The following GLI2 variants were observed in gnomAD, a reference collection of about 807,000 sequenced individuals.
The protein encoded by GLI2 is GLI family zinc finger 2.
In GLI2, 22 loss-of-function variants were observed where a neutral mutation model predicts 78.9. The ratio of observed to expected loss-of-function variants is 0.28; its 90% CI spans 0.20 to 0.40. The LOEUF is 0.40. GLI2 is among the 10% of genes least tolerant of loss of function. The pLI is 1.00. For missense variants in GLI2, 2,097 were observed against 2,213.2 expected, an observed-to-expected ratio of 0.95 and a Z score of 1.05; for synonymous variants, 974 against 963.7, an observed-to-expected ratio of 1.01 and a Z score of -0.20.
intron 1 of GLI2, among the ~76,000 whole-genome samples, chr2:120,756,377 T>C (rs1213070512): frequency 6.6e-6 from 1 of 152,210 alleles, no homozygotes; most frequent in Non-Finnish European, 1.5e-5. Flanking sequence ...AAGAATATAA[T>C]TGGTTTATTT....
intron 1 of GLI2, among the ~76,000 whole-genome samples, chr2:120,783,120 G>T (rs1683894858): frequency 6.6e-6 from 1 of 152,078 alleles, no homozygotes; most frequent in African/African-American, 2.4e-5. Context: ...CCCAAATTTG[G>T]GGCACACAGC....
intron 4 of GLI2, among the ~76,000 whole-genome samples, chr2:120,954,381 G>A (rs1189605308): frequency 6.6e-6 from 1 of 152,184 alleles, no homozygotes; most frequent in African/African-American, 2.4e-5. Context: ...TGGAGGCCCG[G>A]ACTCTTGGGA....
At chr2:120,979,336 G>C (rs1468961598) in intron 10 of GLI2, among the ~76,000 whole-genome samples, 2 of 152,126 alleles carry the variant, frequency 1.3e-5, no homozygotes, top group East Asian at 3.9e-4. Context: ...AGGTCAACAG[G>C]ATTTATGACT....
chr2:120,951,521 A>C (rs112402407), intron 4 of GLI2, 76 bp downstream of exon 4: 10 of 859,514 alleles, frequency 1.2e-5, no homozygotes, highest in African/African-American at 3.3e-5. Context: ...TCACGCTAAC[A>C]CTGTCAACTC....
intron 2 of GLI2, among the ~76,000 whole-genome samples, chr2:120,907,766 A>AAC (rs754833910): frequency 1.2e-3 from 185 of 151,816 alleles, no homozygotes; most frequent in Non-Finnish European, 1.5e-3. Context: ...TAACCCCCCC[A>AAC]ACACACACAC....
At chr2:120,812,635 C>T (rs2077243) in intron 2 of GLI2, among the ~76,000 whole-genome samples, 2 of 151,734 alleles carry the variant, frequency 1.3e-5, no homozygotes, top group African/African-American at 4.8e-5. Flanking sequence ...CACACCCTGG[C>T]GTGTCATGGT....
intron 2 of GLI2, among the ~76,000 whole-genome samples, chr2:120,845,090 TG>T (rs1368354029): frequency 6.6e-6 from 1 of 152,084 alleles, no homozygotes; most frequent in Non-Finnish European, 1.5e-5. Context: ...CTGGCCAGCA[TG>T]GTAAAACCTC....
At chr2:120,899,030 G>C (rs777741495) in intron 2 of GLI2, among the ~76,000 whole-genome samples, 4 of 152,140 alleles carry the variant, frequency 2.6e-5, no homozygotes, top group African/African-American at 9.7e-5. Flanking sequence ...TACTCCCTCC[G>C]GGAGGGCCTG....
Position 120,990,032 on chromosome 2 carries a change from C to G in GLI2, c.4067C>G (p.Pro1356Arg). ...TAGFGLVQPR[P>R]PLEPSPTGRH... ...GGCTTTGGCCTAGTGCAGCCCCGGCCTCCCCTCGAGCCCAGCCCCACTGGC... is the reference window on the plus strand; with the variant it reads ...GGCTTTGGCCTAGTGCAGCCCCGGCGTCCCCTCGAGCCCAGCCCCACTGGC... The change falls in exon 14 of 14, where the codon CCT (proline) becomes CGT (arginine). Residue 1356 changes from proline (P) to arginine (R), a missense_variant. Coordinates refer to ENST00000361492, the MANE Select transcript of GLI2 (RefSeq NM_001374353.1). The G allele has an allele frequency of 1.9e-6, 3 of 1,605,934 alleles. No individual in the cohort carries two copies. Among genetic ancestry groups the G allele is most frequent in the Non-Finnish European group, 2.6e-6 (3 of 1,175,906 alleles).
chr2:120,743,544 G>T (rs1378688890), intron 1 of GLI2, among the ~76,000 whole-genome samples: 3 of 152,202 alleles, frequency 2.0e-5, no homozygotes, highest in Non-Finnish European at 4.4e-5. Context: ...GGACTACCCA[G>T]ATAACTGTTA....
At chr2:120,975,280 G>A (rs1044720459) in intron 9 of GLI2, among the ~76,000 whole-genome samples, 171 bp downstream of exon 9, 16 of 152,214 alleles carry the variant, frequency 1.1e-4, no homozygotes, top group Admixed American at 4.6e-4. Flanking sequence ...TGTGTGTCCT[G>A]CCTGTTTTTA....
At position 120,874,562 on chromosome 2, in the gene GLI2, G is replaced by A. The variant is rs188134262; in HGVS notation, c.149-52799G>A. ...TTGCTCCTGTCTGTGTAGACAGGCC[G>A]GCGTTGAATGTCTACGGGTGGCATC... On this transcript the variant is annotated intron_variant, in intron 2 of 13. Transcript: ENST00000361492. Among the ~76,000 whole-genome samples the A allele has an allele frequency of 8.1e-4, 124 of 152,312 alleles. 2 individuals are homozygous for A. The highest frequency in any genetic ancestry group is 3.0e-3 in the African/African-American group (123 of 41,564).
intron 1 of GLI2, among the ~76,000 whole-genome samples, chr2:120,765,266 T>C (rs1683332937): frequency 6.6e-6 from 1 of 152,210 alleles, no homozygotes; most frequent in African/African-American, 2.4e-5. Context: ...TAGCTGCCAC[T>C]GGGAGAGGGC....
At chr2:120,973,373 G>A (rs555850445) in intron 8 of GLI2, among the ~76,000 whole-genome samples, 6 of 152,322 alleles carry the variant, frequency 3.9e-5, no homozygotes, top group African/African-American at 7.2e-5. Context: ...GCCACACGCC[G>A]GTAGGGCCCT....
At chr2:120,855,724 C>T (rs1056718178) in intron 2 of GLI2, among the ~76,000 whole-genome samples, 2 of 152,186 alleles carry the variant, frequency 1.3e-5, no homozygotes. Flanking sequence ...GCCCTGGTAA[C>T]AGTCCCATAA....
chr2:120,809,598 G>A (rs1179731445), intron 2 of GLI2, among the ~76,000 whole-genome samples: 1 of 152,152 alleles, frequency 6.6e-6, no homozygotes, highest in South Asian at 2.1e-4. Context: ...GGAAGTGCGG[G>A]GGAGGGAGGG....
At position 120,989,303 on chromosome 2, in the gene GLI2, G is replaced by T; in HGVS notation, c.3338G>T (p.Gly1113Val). The T allele has an allele frequency of 6.2e-7, 1 of 1,613,088 alleles. No individual in the cohort carries two copies. The change falls in exon 14 of 14, where the codon GGC (glycine) becomes GTC (valine). Residue 1113 changes from glycine (G) to valine (V), a missense_variant. Gly to Val is a moderately radical substitution (Grantham distance 109). This residue lies in a region of GLI2 where 1,290 missense variants were observed against 1,261.7 expected (regional missense o/e 1.02). Transcript: ENST00000361492. ...CCTATGCTGGGAGGATGCCAGTTAG[G>T]CTTTGGGGCGCCCTCCAGCCTGAAC... ...SAPMLGGCQL[G>V]FGAPSSLNKN...
chr2:120,949,125 C>T (rs1444230681), intron 3 of GLI2, among the ~76,000 whole-genome samples: 2 of 152,192 alleles, frequency 1.3e-5, no homozygotes, highest in African/African-American at 4.8e-5. Flanking sequence ...CTGGAGCCCA[C>T]AGGACCTGCC....
At chr2:120,779,395 T>C (rs1279604360) in intron 1 of GLI2, among the ~76,000 whole-genome samples, 2 of 152,164 alleles carry the variant, frequency 1.3e-5, no homozygotes, top group Non-Finnish European at 2.9e-5. Context: ...CTGCAGTTCG[T>C]TCCTGGCCTA....
Sources: allele counts gnomAD v4.1 joint callset (sites outside exome capture counted in the v4.1 genomes callset), GRCh38; gene constraint gnomAD v4.1.1; regional missense constraint gnomAD v4.1.1; transcripts MANE v1.5; gene names NCBI Gene and HGNC (gene_info 2026-07-23, HGNC 2026-07-21).